MCPH1: variants seen among roughly 807,000 people sequenced by gnomAD.
MCPH1 encodes microcephalin.
Under a neutral mutation model 84.5 loss-of-function variants are expected in MCPH1, and 104 were observed. The ratio of observed to expected loss-of-function variants is 1.23; its 90% confidence interval spans 1.05 to 1.45. The LOEUF (loss-of-function observed/expected upper bound fraction) is 1.45, where lower values mean the gene tolerates loss of function less well. Among genes scored for constraint, MCPH1 ranks in the 40% most tolerant of loss-of-function variants. MCPH1 has a pLI of 0.00. For missense variants in MCPH1, 1,498 were observed against 1,005.7 expected (o/e 1.49, Z -6.62); for synonymous variants, 514 against 366.8 (o/e 1.40, Z -4.58).
chr8:6,521,062 A>T (rs1817242394), intron 12 of MCPH1: 4 of 695,508 alleles, frequency 5.8e-6, no homozygotes, highest in African/African-American at 1.8e-5. Flanking sequence ...TAGATATTTC[A>T]TATGAAATAT....
chr8:6,477,410 T>G (rs1808617250), intron 9 of MCPH1, 184 bp from the exon 10 acceptor site: 5 of 597,646 alleles, frequency 8.4e-6, no homozygotes. Flanking sequence ...GGACAGTATC[T>G]GAGTTTCTAT....
intron 12 of MCPH1, among the ~76,000 whole-genome samples, chr8:6,512,848 A>T (rs987829844): frequency 6.6e-6 from 1 of 152,200 alleles, no homozygotes; most frequent in African/African-American, 2.4e-5. Flanking sequence ...TGTGAATCTG[A>T]TGTATTTCCT....
chr8:6,634,245 C>G (rs754842489), intron 13 of MCPH1, among the ~76,000 whole-genome samples: 43 of 152,184 alleles, frequency 2.8e-4, no homozygotes, highest in Non-Finnish European at 5.3e-4. Flanking sequence ...TGTGAATATT[C>G]AACAGGCTGG....
chr8:6,516,312 A>C (rs1816260637), intron 12 of MCPH1, among the ~76,000 whole-genome samples: 1 of 152,232 alleles, frequency 6.6e-6, no homozygotes, highest in Non-Finnish European at 1.5e-5. Flanking sequence ...ATCTCACAGC[A>C]ACTCTGCTGT....
chr8:6,535,867 G>A (rs1455567440), intron 12 of MCPH1, among the ~76,000 whole-genome samples: 1 of 150,680 alleles, frequency 6.6e-6, no homozygotes, highest in Non-Finnish European at 1.5e-5. Context: ...GAGTAACATG[G>A]TGAAACCCAT....
intron 12 of MCPH1, chr8:6,617,265 G>C (rs1219721431): frequency 7.0e-6 from 1 of 143,046 alleles, no homozygotes; most frequent in African/African-American, 2.8e-5. Context: ...GTGGGGGGGG[G>C]GTGTTTTTTT....
At chr8:6,461,531 G>A (rs1359410794) in intron 9 of MCPH1, among the ~76,000 whole-genome samples, 1 of 151,178 alleles carries the variant, frequency 6.6e-6, no homozygotes, top group Admixed American at 6.6e-5. Flanking sequence ...GTAGAGACAG[G>A]GTTTTGCCAT....
chr8:6,562,574 T>TTTTTAAAAACA, intron 12 of MCPH1: 1 of 583,796 alleles, frequency 1.7e-6, no homozygotes, highest in Non-Finnish European at 2.6e-6. Context: ...TTTTTTTTGG[T>TTTTTAAAAACA]TGTTAAAACC....
Position 6,643,066 on chromosome 8 carries a change from C to G in MCPH1, c.*17C>G, listed in dbSNP as rs1368758066. 6.2e-7 allele frequency: 1 copy of G among 1,608,704 alleles called. No homozygotes were observed. The highest frequency in any genetic ancestry group is 1.3e-5 in the African/African-American group (1 of 74,802). On this transcript the variant is annotated 3_prime_UTR_variant, in exon 14 of 14. Coordinates refer to ENST00000344683, the MANE Select transcript of MCPH1 (RefSeq NM_024596.5). The stretch of plus-strand genomic sequence containing the variant: ...TCACAATGACAGTGACCTCACTGGC[C>G]TGTGGTGACTGCACACAGCTCGCAA...
intron 12 of MCPH1, among the ~76,000 whole-genome samples, chr8:6,598,995 T>G (rs1829154317): frequency 6.6e-6 from 1 of 152,220 alleles, no homozygotes; most frequent in South Asian, 2.1e-4. Flanking sequence ...CCTTAAGGCA[T>G]GTATTTTAAA....
At chr8:6,507,961 A>T (rs539034189) in intron 12 of MCPH1, 1 of 152,328 alleles carries the variant, frequency 6.6e-6, no homozygotes, top group East Asian at 1.9e-4. Context: ...ATCTGTTTTA[A>T]GTGACTACTA....
At position 6,621,597 on chromosome 8, in the gene MCPH1, C is replaced by A. The variant is rs2129580759; in HGVS notation, c.2358C>A (p.Val786=). The change falls in exon 13 of 14, where the codon GTC becomes GTA. Residue 786 remains valine, a synonymous_variant. Coordinates refer to ENST00000344683, the MANE Select transcript of MCPH1 (RefSeq NM_024596.5). ...CELVHLCGGR[V]SQVPRQASIV... ...TAGTCCACCTGTGCGGAGGCCGGGTCAGCCAAGTCCCCCGCCAGGCCAGCA... is the reference window on the plus strand; with the variant it reads ...TAGTCCACCTGTGCGGAGGCCGGGTAAGCCAAGTCCCCCGCCAGGCCAGCA... 2 of 1,614,222 alleles carry A rather than the reference C, an allele frequency of 1.2e-6. No homozygotes were observed. The highest frequency in any genetic ancestry group is 1.7e-6 in the Non-Finnish European group (2 of 1,180,036).
intron 12 of MCPH1, among the ~76,000 whole-genome samples, chr8:6,553,589 T>C (rs1824056659): frequency 6.6e-6 from 1 of 152,176 alleles, no homozygotes; most frequent in African/African-American, 2.4e-5. Context: ...AACATGAACA[T>C]ATCCCTTTGC....
At chr8:6,452,032 G>A (rs1374823562) in intron 8 of MCPH1, among the ~76,000 whole-genome samples, 1 of 152,088 alleles carries the variant, frequency 6.6e-6, no homozygotes, top group Admixed American at 6.5e-5. Context: ...TTATTTCTTC[G>A]GCCTTAGCTC....
chr8:6,532,571 CT>C, intron 12 of MCPH1: 27 of 654,910 alleles, frequency 4.1e-5, no homozygotes, highest in Non-Finnish European at 4.6e-5. Context: ...TCCTCCCTAT[CT>C]TTAAAAAAAA....
At chr8:6,611,639 G>T (rs1202912331) in intron 12 of MCPH1, among the ~76,000 whole-genome samples, 2 of 150,964 alleles carry the variant, frequency 1.3e-5, no homozygotes, top group Non-Finnish European at 2.9e-5. Flanking sequence ...TTTTTTTAAA[G>T]ACATAGTCTC....
chr8:6,475,485 G>A (rs1031752926), intron 9 of MCPH1, among the ~76,000 whole-genome samples: 4 of 152,162 alleles, frequency 2.6e-5, no homozygotes, highest in East Asian at 3.9e-4. Context: ...CCAGCATCCC[G>A]GGGAAAACCC....
chr8:6,555,783 T>C (rs1824502443), intron 12 of MCPH1, among the ~76,000 whole-genome samples: 2 of 152,228 alleles, frequency 1.3e-5, no homozygotes. Flanking sequence ...GTTTTTAGTC[T>C]TCTGAACGAT....
At chr8:6,416,825 C>G (rs1321769535) in intron 3 of MCPH1, among the ~76,000 whole-genome samples, 1 of 24,086 alleles carries the variant, frequency 4.2e-5, no homozygotes, top group Non-Finnish European at 3.4e-4. Context: ...AAAACCCTAT[C>G]TCTATTAAAA....
Sources: gnomAD v4.1 joint callset for allele counts (sites outside exome capture counted in the v4.1 genomes callset) on GRCh38, gnomAD v4.1.1 for gene constraint, MANE v1.5 for transcripts, NCBI Gene and HGNC (gene_info 2026-07-23, HGNC 2026-07-21) for gene names.